TBC1D9: variants seen among roughly 807,000 people sequenced by gnomAD.
TBC1D9 encodes TBC1 domain family member 9.
TBC1D9 carries 63 observed loss-of-function variants against 132.0 expected under a neutral mutation model. The observed-to-expected ratio is 0.48, with a 90% confidence interval of 0.39 to 0.59. The LOEUF is 0.59. Among genes scored for constraint, TBC1D9 ranks in the 20% least tolerant of loss-of-function variants. TBC1D9 has a pLI of 0.00. For missense variants in TBC1D9, 1,261 were observed against 1,592.7 expected, an observed-to-expected ratio of 0.79 and a Z score of 3.54; for synonymous variants, 610 against 609.9, an observed-to-expected ratio of 1.00 and a Z score of 0.00.
At chr4:140,686,232 G>A (rs1737777140) in intron 3 of TBC1D9, 112 bp downstream of exon 3, 1 of 636,622 alleles carries the variant, frequency 1.6e-6, no homozygotes, top group Admixed American at 3.2e-5. Flanking sequence ...ATGTTAACAG[G>A]TGAATTTGGG....
chr4:140,654,801 C>G (rs1737240121), intron 13 of TBC1D9, among the ~76,000 whole-genome samples: 2 of 151,932 alleles, frequency 1.3e-5, no homozygotes, highest in Admixed American at 6.6e-5. Context: ...ATAGCTTGAT[C>G]ATTCTTTTTT....
At position 140,620,881 on chromosome 4, in the gene TBC1D9, AAAC is replaced by A. The variant is rs1337155584; in HGVS notation, c.*1311_*1313del. ...AAAATCATCCTGTAAATAGAATAAAAAACAACAGCAGCAATAGCTAAAAAAAGG... is the reference window on the plus strand; with the variant it reads ...AAAATCATCCTGTAAATAGAATAAAAAACAGCAGCAATAGCTAAAAAAAGG... On this transcript the variant is annotated 3_prime_UTR_variant, in exon 21 of 21. Transcript: ENST00000442267. The A allele has an allele frequency of 2.6e-5, 4 of 152,652 alleles. No homozygotes were observed. Among genetic ancestry groups the A allele is most frequent in the Non-Finnish European group, 5.9e-5 (4 of 68,030 alleles). The allele number at this position is 152,652 out of a possible 1,614,324, so 9.5% of individuals were successfully genotyped here.
chr4:140,651,403 G>C (rs1189218821), intron 13 of TBC1D9, among the ~76,000 whole-genome samples: 1 of 152,136 alleles, frequency 6.6e-6, no homozygotes, highest in Non-Finnish European at 1.5e-5. Flanking sequence ...GTAGAGGTTG[G>C]AGTGAGCCGA....
intron 9 of TBC1D9, among the ~76,000 whole-genome samples, chr4:140,668,066 T>G (rs945558140): frequency 6.6e-6 from 1 of 152,246 alleles, no homozygotes; most frequent in African/African-American, 2.4e-5. Flanking sequence ...TATTTCAGGC[T>G]TCAATCCAGA....
At chr4:140,704,868 C>T (rs1738127190) in intron 1 of TBC1D9, among the ~76,000 whole-genome samples, 1 of 152,214 alleles carries the variant, frequency 6.6e-6, no homozygotes, top group Non-Finnish European at 1.5e-5. Context: ...GATGCAAGTT[C>T]ACCAACCCTA....
intron 1 of TBC1D9, among the ~76,000 whole-genome samples, chr4:140,736,189 G>T (rs891287380): frequency 2.0e-5 from 3 of 151,860 alleles, no homozygotes; most frequent in Admixed American, 6.6e-5. Context: ...GAAGGAGAGA[G>T]TGAGGGGGAA....
At chr4:140,743,747 A>G (rs1738795775) in intron 1 of TBC1D9, among the ~76,000 whole-genome samples, 1 of 152,194 alleles carries the variant, frequency 6.6e-6, no homozygotes, top group African/African-American at 2.4e-5. Context: ...ACATAACTAC[A>G]AAACAGGCTT....
intron 1 of TBC1D9, among the ~76,000 whole-genome samples, chr4:140,704,644 T>C (rs1336269421): frequency 6.6e-6 from 1 of 152,096 alleles, no homozygotes; most frequent in East Asian, 1.9e-4. Context: ...TCATCCTTAA[T>C]GGCTCACTGA....
At chr4:140,624,858 C>T (rs190957942) in intron 18 of TBC1D9, among the ~76,000 whole-genome samples, 3 of 152,266 alleles carry the variant, frequency 2.0e-5, no homozygotes, top group Admixed American at 1.3e-4. Flanking sequence ...TCAAGACCAT[C>T]CTGGTCAACA....
intron 2 of TBC1D9, among the ~76,000 whole-genome samples, chr4:140,696,963 TACAAACAATA>T (rs1737969380): frequency 6.6e-6 from 1 of 152,188 alleles, no homozygotes; most frequent in South Asian, 2.1e-4. Context: ...ACATTAAATT[TACAAACAATA>T]AGATACAGAT....
chr4:140,629,298 A>C (rs1189241789), intron 16 of TBC1D9, among the ~76,000 whole-genome samples: 1 of 152,232 alleles, frequency 6.6e-6, no homozygotes, highest in African/African-American at 2.4e-5. Context: ...AACTTTATGA[A>C]GTCCGTGAAC....
At chr4:140,664,186 A>G (rs1157959352) in intron 9 of TBC1D9, among the ~76,000 whole-genome samples, 1 of 152,140 alleles carries the variant, frequency 6.6e-6, no homozygotes, top group Admixed American at 6.5e-5. Flanking sequence ...TTAAATATAT[A>G]TACTTTTTAT....
intron 1 of TBC1D9, among the ~76,000 whole-genome samples, chr4:140,709,992 GA>G (rs1424167896): frequency 2.6e-5 from 4 of 152,164 alleles, no homozygotes; most frequent in African/African-American, 9.7e-5. Flanking sequence ...TGACAGTCAG[GA>G]ACCCCTGCTT....
At chr4:140,666,498 T>G (rs1009335298) in intron 9 of TBC1D9, among the ~76,000 whole-genome samples, 2 of 151,816 alleles carry the variant, frequency 1.3e-5, no homozygotes, top group Non-Finnish European at 2.9e-5. Context: ...ACCGCGCCCA[T>G]CTAATTTTTT....
chr4:140,720,813 G>C (rs949659093), intron 1 of TBC1D9, among the ~76,000 whole-genome samples: 1 of 152,254 alleles, frequency 6.6e-6, no homozygotes, highest in Non-Finnish European at 1.5e-5. Context: ...TCAGTGACAA[G>C]TTCCAGCCTC....
intron 16 of TBC1D9, 109 bp from the exon 17 acceptor site, chr4:140,628,474 G>T: frequency 9.5e-7 from 1 of 1,047,186 alleles, no homozygotes; most frequent in Non-Finnish European, 1.4e-6. Context: ...CCAAGACATT[G>T]TGTGGTGAAA....
intron 8 of TBC1D9, 45 bp downstream of exon 8, chr4:140,669,589 T>C: frequency 6.4e-7 from 1 of 1,567,466 alleles, no homozygotes; most frequent in Non-Finnish European, 8.7e-7. Context: ...GTTAATGGCA[T>C]TGTTCAAATC....
At chr4:140,753,575 T>G (rs1215815089) in intron 1 of TBC1D9, among the ~76,000 whole-genome samples, 4 of 152,246 alleles carry the variant, frequency 2.6e-5, no homozygotes, top group Non-Finnish European at 4.4e-5. Flanking sequence ...TCTCACGGAC[T>G]CCTGAGAGTC....
At chr4:140,749,255 A>G (rs908709213) in intron 1 of TBC1D9, among the ~76,000 whole-genome samples, 3 of 152,030 alleles carry the variant, frequency 2.0e-5, no homozygotes, top group African/African-American at 7.2e-5. Flanking sequence ...ATATAATTGG[A>G]TGAGTCAAAA....
Sources: gnomAD v4.1 joint callset for allele counts (sites outside exome capture counted in the v4.1 genomes callset) on GRCh38, gnomAD v4.1.1 for gene constraint, MANE v1.5 for transcripts, NCBI Gene and HGNC (gene_info 2026-07-23, HGNC 2026-07-21) for gene names.